CSMD1: variants seen among roughly 807,000 people sequenced by gnomAD.
CSMD1 encodes CUB and Sushi multiple domains 1.
CSMD1 carries 213 observed loss-of-function variants against 417.5 expected under a neutral mutation model. The observed-to-expected ratio is 0.51, with a 90% CI of 0.46 to 0.57. The LOEUF (loss-of-function observed/expected upper bound fraction) is 0.57. CSMD1 is among the 20% of genes least tolerant of loss of function. The pLI is 0.00. For synonymous variants in CSMD1, 2,862 were observed against 1,736.8 expected (o/e 1.65, Z -16.11); for missense variants, 6,923 against 4,529.7 (o/e 1.53, Z -15.17).
chr8:3,457,264 T>A (rs747544230), intron 12 of CSMD1, among the ~76,000 whole-genome samples: 5 of 152,016 alleles, frequency 3.3e-5, no homozygotes. Context: ...CTGTTTCCCT[T>A]GCCCTGTACC....
At chr8:4,433,026 G>C (rs974517435) in intron 2 of CSMD1, among the ~76,000 whole-genome samples, 48 of 151,972 alleles carry the variant, frequency 3.2e-4, no homozygotes, top group Admixed American at 3.1e-3. Context: ...CAACACTGTC[G>C]TGAACTACGT....
At chr8:4,367,726 C>G (rs1402973791) in intron 3 of CSMD1, among the ~76,000 whole-genome samples, 2 of 152,104 alleles carry the variant, frequency 1.3e-5, no homozygotes, top group Non-Finnish European at 2.9e-5. Context: ...TCTGTCATCT[C>G]TGATTTCTTT....
Position 4,655,169 on chromosome 8 carries a change from T to C in CSMD1, c.86-17611A>G, listed in dbSNP as rs548372960. 1.2e-4 allele frequency among the ~76,000 whole-genome samples: 19 copies of C among 152,240 alleles called. No homozygotes were observed. In the South Asian group the frequency reaches 3.9e-3, roughly 32 times the overall value. Reference sequence around the variant, plus strand: ...GATTCTTTTGACTTTACCAAAATGTTATTCCTTAAATACAGATAATTACCT... The same window carrying C: ...GATTCTTTTGACTTTACCAAAATGTCATTCCTTAAATACAGATAATTACCT... On this transcript the variant is annotated intron_variant, in intron 1 of 69. Transcript: ENST00000635120.
At chr8:3,453,967 A>G (rs1011711313) in intron 12 of CSMD1, among the ~76,000 whole-genome samples, 2 of 152,086 alleles carry the variant, frequency 1.3e-5, no homozygotes, top group African/African-American at 4.8e-5. Context: ...GTAGGTCTCT[A>G]AGGACTTGCT....
intron 3 of CSMD1, among the ~76,000 whole-genome samples, chr8:4,186,943 C>T (rs1345364798): frequency 1.3e-5 from 2 of 152,062 alleles, no homozygotes; most frequent in African/African-American, 4.8e-5. Context: ...TTGCAGTGAG[C>T]TGCACTCTAG....
At chr8:3,827,097 T>A (rs941188718) in intron 5 of CSMD1, among the ~76,000 whole-genome samples, 1 of 152,208 alleles carries the variant, frequency 6.6e-6, no homozygotes, top group Non-Finnish European at 1.5e-5. Context: ...CAATATCTTC[T>A]CTATTTTAGA....
At position 2,962,776 on chromosome 8, in the gene CSMD1, C is replaced by T. The variant is rs530319096; in HGVS notation, c.9455-137G>A. On this transcript the variant is annotated intron_variant, in intron 60 of 69. Coordinates refer to ENST00000635120, the MANE Select transcript of CSMD1 (RefSeq NM_033225.6). The stretch of plus-strand genomic sequence containing the variant: ...AAAAACGCTAAAAGGAGGCCAGGCA[C>T]GGTGGCTCACGCCTGTAATCCCAAC... 648 of 879,392 alleles carry T rather than the reference C, an allele frequency of 7.4e-4. 6 individuals are homozygous for T. The highest frequency in any genetic ancestry group is 5.7e-3 in the South Asian group (314 of 55,480). The allele number at this position is 879,392 out of a possible 1,614,324, so 54.5% of individuals were successfully genotyped here. A position where few individuals can be genotyped will look rare whatever the true frequency, so the allele number is the denominator to read the frequency against.
intron 1 of CSMD1, among the ~76,000 whole-genome samples, chr8:4,664,603 T>G (rs1054300724): frequency 6.6e-6 from 1 of 152,152 alleles, no homozygotes; most frequent in African/African-American, 2.4e-5. Flanking sequence ...AATACATTTT[T>G]AAAGGAAAAG....
intron 3 of CSMD1, among the ~76,000 whole-genome samples, chr8:4,273,686 T>G (rs1173286943): frequency 6.6e-6 from 1 of 152,174 alleles, no homozygotes; most frequent in African/African-American, 2.4e-5. Context: ...ATAACCTGGA[T>G]ATGGTATTCG....
intron 2 of CSMD1, among the ~76,000 whole-genome samples, chr8:4,485,406 T>C (rs1454792519): frequency 1.3e-5 from 2 of 152,168 alleles, no homozygotes; most frequent in African/African-American, 2.4e-5. Flanking sequence ...CGGGGCCTGA[T>C]AAACTGACTC....
intron 2 of CSMD1, among the ~76,000 whole-genome samples, chr8:4,543,890 G>C (rs1192318870): frequency 6.6e-6 from 1 of 152,086 alleles, no homozygotes; most frequent in Non-Finnish European, 1.5e-5. Context: ...CATAAGATGT[G>C]GAGCGCCTTT....
rs1386453500 is a variant in CSMD1 at position 4,926,577 on chromosome 8, ACCAACT to A, written c.85+67749_85+67754del. Among the ~76,000 whole-genome samples the A allele has an allele frequency of 3.3e-5, 5 of 152,338 alleles. No homozygotes were observed. The East Asian group carries it at 5.8e-4, about 18-fold the overall frequency. ...AGATGTGATATAGCCTTGGGGAAAAACCAACTCAAATAATAAAGAAAATATGGAATA... is the reference window on the plus strand; with the variant it reads ...AGATGTGATATAGCCTTGGGGAAAAACAAATAATAAAGAAAATATGGAATA... On this transcript the variant is annotated intron_variant, in intron 1 of 69. Coordinates refer to ENST00000635120, the MANE Select transcript of CSMD1 (RefSeq NM_033225.6).
At chr8:3,020,018 C>T (rs1809227602) in intron 51 of CSMD1, among the ~76,000 whole-genome samples, 1 of 152,210 alleles carries the variant, frequency 6.6e-6, no homozygotes. Flanking sequence ...CGAGTTCTTC[C>T]TTATTCACAG....
intron 3 of CSMD1, among the ~76,000 whole-genome samples, chr8:4,105,824 C>T (rs1486912695): frequency 6.6e-6 from 1 of 152,188 alleles, no homozygotes; most frequent in African/African-American, 2.4e-5. Flanking sequence ...ACTTGTCACC[C>T]CTTTTGCTGA....
intron 3 of CSMD1, among the ~76,000 whole-genome samples, chr8:4,160,928 G>A (rs1240166479): frequency 6.6e-6 from 1 of 152,112 alleles, no homozygotes; most frequent in African/African-American, 2.4e-5. Context: ...ATTACTTGAG[G>A]CCACTGCATA....
intron 3 of CSMD1, among the ~76,000 whole-genome samples, chr8:4,142,231 ATACT>A (rs1415951351): frequency 6.6e-6 from 1 of 151,196 alleles, no homozygotes; most frequent in East Asian, 1.9e-4. Context: ...AATTATAGTG[ATACT>A]TAATTTACTA....
intron 1 of CSMD1, among the ~76,000 whole-genome samples, chr8:4,642,663 G>A (rs1585379817): frequency 6.6e-6 from 1 of 152,182 alleles, no homozygotes; most frequent in South Asian, 2.1e-4. Flanking sequence ...AAACTGGTGT[G>A]CCAAATATGT....
At chr8:4,676,132 T>A (rs1805667432) in intron 1 of CSMD1, among the ~76,000 whole-genome samples, 1 of 152,322 alleles carries the variant, frequency 6.6e-6, no homozygotes, top group African/African-American at 2.4e-5. Flanking sequence ...ATGCATAAGA[T>A]GTTTTGTCAT....
intron 3 of CSMD1, among the ~76,000 whole-genome samples, chr8:4,136,995 G>C (rs1167441934): frequency 1.3e-5 from 2 of 152,198 alleles, no homozygotes; most frequent in Non-Finnish European, 2.9e-5. Context: ...TGTGGGCACA[G>C]TGAGAAACCA....
Sources: allele counts gnomAD v4.1 joint callset (sites outside exome capture counted in the v4.1 genomes callset), GRCh38; gene constraint gnomAD v4.1.1; transcripts MANE v1.5; gene names NCBI Gene and HGNC (gene_info 2026-07-23, HGNC 2026-07-21).